RNFT2: variants seen among roughly 807,000 people sequenced by gnomAD.
RNFT2 encodes ring finger protein, transmembrane 2.
A neutral mutation model predicts 53.0 loss-of-function variants in RNFT2; 36 were observed. That is an observed-to-expected ratio of 0.68 (90% confidence interval 0.52 to 0.90). The LOEUF is 0.90. RNFT2 is among the 40% of genes least tolerant of loss of function. The pLI, the probability that RNFT2 is intolerant of heterozygous loss-of-function variation, is 0.00. For synonymous variants in RNFT2, 260 were observed against 253.2 expected (o/e 1.03, Z -0.26); for missense variants, 514 against 585.6 (o/e 0.88, Z 1.26).
intron 7 of RNFT2, among the ~76,000 whole-genome samples, chr12:116,792,905 G>T (rs1874323316): frequency 6.6e-6 from 1 of 152,138 alleles, no homozygotes; most frequent in Admixed American, 6.6e-5. Context: ...AAGTGCTTTT[G>T]CTATTTGGGT....
intron 7 of RNFT2, among the ~76,000 whole-genome samples, chr12:116,829,694 A>G (rs1306255515): frequency 6.6e-6 from 1 of 152,172 alleles, no homozygotes; most frequent in Non-Finnish European, 1.5e-5. Flanking sequence ...TCCTGGGTTC[A>G]AGTGATTCTC....
At chr12:116,813,102 T>C (rs1241798261) in intron 7 of RNFT2, among the ~76,000 whole-genome samples, 1 of 152,076 alleles carries the variant, frequency 6.6e-6, no homozygotes, top group Non-Finnish European at 1.5e-5. Context: ...ACTACAGGCA[T>C]GTGCCACCAT....
At chr12:116,806,621 G>A (rs914135701) in intron 7 of RNFT2, among the ~76,000 whole-genome samples, 62 of 151,562 alleles carry the variant, frequency 4.1e-4, no homozygotes, top group African/African-American at 1.5e-3. Flanking sequence ...GCACGGCGGT[G>A]CACACCTGTA....
At position 116,753,165 on chromosome 12, in the gene RNFT2, T is replaced by TC. The variant is rs1482587334; in HGVS notation, c.551-819_551-818insC. Among the ~76,000 whole-genome samples, 16 of 146,406 alleles carry TC rather than the reference T, an allele frequency of 1.1e-4. No individual in the cohort carries two copies. The South Asian group carries it at 3.3e-3, about 30-fold the overall frequency. On this transcript the variant is annotated intron_variant, in intron 4 of 10. Transcript: ENST00000257575. The stretch of plus-strand genomic sequence containing the variant: ...TTCTTTTTCTTTTTTTTTTTTTTTT[T>TC]TTTGAGACAGAGTCTTGCTCTGTTG...
Position 116,853,553 on chromosome 12 carries a change from G to A in RNFT2, c.*4105G>A, listed in dbSNP as rs1024159696. 1.5e-5 allele frequency: 3 copies of A among 202,006 alleles called. No individual in the cohort carries two copies. Among genetic ancestry groups the A allele is most frequent in the African/African-American group, 6.9e-5 (3 of 43,636 alleles). The allele number at this position is 202,006 out of a possible 1,614,324, so 12.5% of individuals were successfully genotyped here. On this transcript the variant is annotated 3_prime_UTR_variant, in exon 11 of 11. Transcript: ENST00000257575. ...CCTGGAATCTTTTAGGACTTCTGCT[G>A]TAGGACAAACAGCTGCCTTTGGTGT...
At chr12:116,740,691 T>C (rs1871563021) in intron 2 of RNFT2, 170 bp downstream of exon 2, 1 of 684,144 alleles carries the variant, frequency 1.5e-6, no homozygotes, top group African/African-American at 1.8e-5. Flanking sequence ...AGCAGCAGCA[T>C]CAACCCAGAA....
intron 5 of RNFT2, among the ~76,000 whole-genome samples, chr12:116,766,370 CT>C (rs1872915044): frequency 6.6e-6 from 1 of 152,198 alleles, no homozygotes; most frequent in Non-Finnish European, 1.5e-5. Flanking sequence ...CTTAACCTCT[CT>C]GTGCTTTAGT....
intron 10 of RNFT2, among the ~76,000 whole-genome samples, chr12:116,846,720 A>G (rs993464752): frequency 4.6e-5 from 7 of 152,078 alleles, no homozygotes; most frequent in African/African-American, 1.7e-4. Flanking sequence ...TTCTTCATCC[A>G]GATTTACTGA....
intron 7 of RNFT2, among the ~76,000 whole-genome samples, chr12:116,819,277 G>C (rs1445796890): frequency 6.6e-6 from 1 of 152,212 alleles, no homozygotes; most frequent in East Asian, 1.9e-4. Flanking sequence ...AGGCAGCTTT[G>C]CCCTTCGCAA....
At chr12:116,792,637 T>A (rs548111874) in intron 7 of RNFT2, among the ~76,000 whole-genome samples, 1 of 152,246 alleles carries the variant, frequency 6.6e-6, no homozygotes, top group South Asian at 2.1e-4. Context: ...CTGTAGAAAG[T>A]GATGTGAATA....
At chr12:116,805,022 T>C (rs1405084284) in intron 7 of RNFT2, among the ~76,000 whole-genome samples, 1 of 152,174 alleles carries the variant, frequency 6.6e-6, no homozygotes, top group East Asian at 1.9e-4. Context: ...ATACAAGTTG[T>C]TTTTTCTTGT....
At chr12:116,832,898 C>T (rs201724216) in intron 7 of RNFT2, among the ~76,000 whole-genome samples, 116 of 84,758 alleles carry the variant, frequency 1.4e-3, no homozygotes, top group Middle Eastern at 0.013. Flanking sequence ...AAGTCGTGTT[C>T]TTTTTTTTTT....
At chr12:116,763,488 G>T (rs919740079) in intron 5 of RNFT2, among the ~76,000 whole-genome samples, 2 of 152,140 alleles carry the variant, frequency 1.3e-5, no homozygotes, top group African/African-American at 4.8e-5. Context: ...GTAGAACTAG[G>T]TGGGGCGCAG....
intron 10 of RNFT2, among the ~76,000 whole-genome samples, chr12:116,847,376 C>T (rs1877670952): frequency 6.6e-6 from 1 of 152,110 alleles, no homozygotes. Context: ...GTACTTTTAA[C>T]ATGTTAATTA....
intron 7 of RNFT2, among the ~76,000 whole-genome samples, chr12:116,812,232 T>A (rs1875415515): frequency 6.6e-6 from 1 of 152,174 alleles, no homozygotes; most frequent in South Asian, 2.1e-4. Context: ...ACTTATTCCC[T>A]GCTGCAGCCT....
At chr12:116,792,275 C>T (rs947058051) in intron 7 of RNFT2, among the ~76,000 whole-genome samples, 7 of 152,194 alleles carry the variant, frequency 4.6e-5, no homozygotes, top group Admixed American at 3.9e-4. Context: ...GTCTTGAACT[C>T]CTGACCTCAG....
intron 5 of RNFT2, chr12:116,755,590 G>A (rs1450001054): frequency 2.3e-6 from 2 of 877,756 alleles, no homozygotes; most frequent in Admixed American, 1.7e-5. Context: ...AGTGCTTAAT[G>A]TGCTCAATAT....
chr12:116,766,846 C>T lies in RNFT2; in HGVS notation c.660C>T (p.Ile220=). The change falls in exon 6 of 11, where the codon ATC becomes ATT. Residue 220 remains isoleucine (I), a synonymous_variant. Transcript: ENST00000257575. ...GGTCAGTGCTGGTCATCTTGTGGAT[C>T]CTGGCCTTTCTGGCGGGGAACACCC... is the stretch of plus-strand genomic sequence containing the variant. ...EKRSVLVILW[I]LAFLAGNTLY... 6.3e-7 allele frequency: 1 copy of T among 1,598,746 alleles called. No homozygotes were observed.
At chr12:116,842,211 G>A (rs1047979679) in intron 10 of RNFT2, among the ~76,000 whole-genome samples, 3 of 151,772 alleles carry the variant, frequency 2.0e-5, no homozygotes, top group Admixed American at 6.6e-5. Flanking sequence ...CCTGAGTTCT[G>A]GAAGTCACAG....
Sources: gnomAD v4.1 joint callset for allele counts (sites outside exome capture counted in the v4.1 genomes callset) on GRCh38, gnomAD v4.1.1 for gene constraint, MANE v1.5 for transcripts, NCBI Gene and HGNC (gene_info 2026-07-23, HGNC 2026-07-21) for gene names.